Variants in EYS observed in about 807,000 individuals in gnomAD.
The protein encoded by EYS is EGF-like photoreceptor maintenance factor.
A neutral mutation model predicts 282.1 loss-of-function variants in EYS; 250 were observed. That is an observed-to-expected ratio of 0.89 (90% CI 0.80 to 0.98). The LOEUF is 0.98. Ranked by LOEUF, EYS falls within the 50% of genes least tolerant of loss-of-function variation. EYS has a pLI of 0.00. For missense variants in EYS, 4,016 were observed against 3,709.0 expected, an observed-to-expected ratio of 1.08 and a Z score of -2.15; for synonymous variants, 1,355 against 1,282.9, an observed-to-expected ratio of 1.06 and a Z score of -1.20.
intron 12 of EYS, among the ~76,000 whole-genome samples, chr6:65,163,153 A>T (rs1299224637): frequency 6.6e-6 from 1 of 151,166 alleles, no homozygotes; most frequent in East Asian, 2.0e-4. Context: ...TGAGTTCTCC[A>T]TTATTTTAGA....
chr6:65,533,208 T>C (rs988739710), intron 2 of EYS, among the ~76,000 whole-genome samples: 3 of 152,098 alleles, frequency 2.0e-5, no homozygotes, highest in Non-Finnish European at 1.5e-5. Context: ...TAAACACCTT[T>C]ATGGAAATAA....
intron 12 of EYS, among the ~76,000 whole-genome samples, chr6:65,150,867 T>C (rs567164697): frequency 1.3e-5 from 2 of 152,124 alleles, no homozygotes; most frequent in African/African-American, 4.8e-5. Flanking sequence ...ATTTGCTCCC[T>C]TGGGTATTTT....
intron 30 of EYS, among the ~76,000 whole-genome samples, chr6:64,253,796 A>G (rs1767301177): frequency 6.6e-6 from 1 of 151,084 alleles, no homozygotes; most frequent in Non-Finnish European, 1.5e-5. Flanking sequence ...TTATGAATCA[A>G]GGGCTAGAAC....
intron 28 of EYS, among the ~76,000 whole-genome samples, chr6:64,427,992 T>C (rs1237843842): frequency 6.6e-6 from 1 of 152,104 alleles, no homozygotes; most frequent in Non-Finnish European, 1.5e-5. Context: ...ATTGATTCAG[T>C]AAACTAATTA....
At chr6:65,312,669 T>A (rs1769191702) in intron 11 of EYS, among the ~76,000 whole-genome samples, 1 of 152,208 alleles carries the variant, frequency 6.6e-6, no homozygotes, top group Non-Finnish European at 1.5e-5. Flanking sequence ...AAGTTGCACT[T>A]ACTTATCTCA....
chr6:64,077,228 A>T (rs918690492), intron 32 of EYS, among the ~76,000 whole-genome samples: 3 of 152,008 alleles, frequency 2.0e-5, no homozygotes, highest in Admixed American at 6.6e-5. Flanking sequence ...TGATTAAAAC[A>T]ACTGAGCAAT....
intron 22 of EYS, among the ~76,000 whole-genome samples, chr6:64,796,349 G>T (rs1774353739): frequency 6.6e-6 from 1 of 152,098 alleles, no homozygotes; most frequent in African/African-American, 2.4e-5. Flanking sequence ...GAGAGAAACA[G>T]CTGACCAGTT....
chr6:64,235,468 T>A (rs544780415), intron 30 of EYS, among the ~76,000 whole-genome samples: 186 of 152,320 alleles, frequency 1.2e-3, no homozygotes, highest in African/African-American at 4.3e-3. Context: ...ATGTGCCACA[T>A]TTTCTTAATC....
At position 65,402,525 on chromosome 6, in the gene EYS, C is replaced by T; in HGVS notation, c.1137G>A (p.Leu379=). 6.5e-7 allele frequency: 1 copy of T among 1,549,638 alleles called. No individual in the cohort carries two copies. The highest frequency in any genetic ancestry group is 8.9e-7 in the Non-Finnish European group (1 of 1,122,398). ...ATTTCTTACATGTAGCATTATTCCT[C>T]AAAGGAAATGACTCACATGATGTTT... The part of the protein sequence containing the change: ...SIQTSCESFP[L]RNNATCKKCE... Residue 379 remains leucine, a synonymous_variant, in exon 7 of 43, where the codon TTG becomes TTA. Transcript: ENST00000503581.
intron 37 of EYS, among the ~76,000 whole-genome samples, chr6:63,791,685 T>C (rs943516253): frequency 6.6e-6 from 1 of 152,092 alleles, no homozygotes; most frequent in Non-Finnish European, 1.5e-5. Context: ...GCTATATCTT[T>C]AAGGGTCTAA....
chr6:64,270,878 T>C (rs186099740), intron 30 of EYS, among the ~76,000 whole-genome samples: 209 of 152,304 alleles, frequency 1.4e-3, no homozygotes, highest in Middle Eastern at 0.014. Flanking sequence ...GCATAGTTGT[T>C]AATTTTATTT....
At chr6:65,234,383 G>A (rs1766867648) in intron 12 of EYS, among the ~76,000 whole-genome samples, 1 of 152,124 alleles carries the variant, frequency 6.6e-6, no homozygotes, top group African/African-American at 2.4e-5. Flanking sequence ...CTGGGCCACA[G>A]GCAATCAAAG....
intron 12 of EYS, among the ~76,000 whole-genome samples, chr6:65,189,017 A>G (rs536859257): frequency 1.3e-5 from 2 of 151,694 alleles, no homozygotes; most frequent in African/African-American, 4.8e-5. Flanking sequence ...TATAAAATTA[A>G]TATAGCTTCT....
chr6:64,916,287 T>C (rs529674000), intron 15 of EYS, among the ~76,000 whole-genome samples: 4 of 152,356 alleles, frequency 2.6e-5, no homozygotes, highest in Middle Eastern at 3.4e-3. Context: ...ATTTGGCATA[T>C]GTGCTGAAGG....
intron 5 of EYS, among the ~76,000 whole-genome samples, chr6:65,488,984 G>T (rs1765919072): frequency 6.6e-6 from 1 of 152,090 alleles, no homozygotes; most frequent in Non-Finnish European, 1.5e-5. Context: ...ACTCAAGATG[G>T]ATCAAAGACT....
chr6:65,136,490 G>C (rs1046256888), intron 12 of EYS, among the ~76,000 whole-genome samples: 3 of 151,996 alleles, frequency 2.0e-5, no homozygotes, highest in African/African-American at 7.2e-5. Flanking sequence ...CTTCAGATAT[G>C]TGATATTTCA....
At chr6:64,073,781 T>A (rs1478666639) in intron 32 of EYS, among the ~76,000 whole-genome samples, 1 of 151,662 alleles carries the variant, frequency 6.6e-6, no homozygotes, top group African/African-American at 2.4e-5. Flanking sequence ...TGTGTGCATA[T>A]ATATATATAT....
At chr6:65,258,287 A>C (rs1767525330) in intron 12 of EYS, among the ~76,000 whole-genome samples, 1 of 152,058 alleles carries the variant, frequency 6.6e-6, no homozygotes, top group Non-Finnish European at 1.5e-5. Context: ...AAGCAAGGGA[A>C]GAAGAGTTGA....
At chr6:65,260,437 T>C (rs1162340825) in intron 12 of EYS, among the ~76,000 whole-genome samples, 6 of 152,104 alleles carry the variant, frequency 3.9e-5, no homozygotes, top group Non-Finnish European at 2.9e-5. Context: ...ATCTTTTTCT[T>C]ATTATTATTT....
Sources: allele counts gnomAD v4.1 joint callset (sites outside exome capture counted in the v4.1 genomes callset), GRCh38; gene constraint gnomAD v4.1.1; transcripts MANE v1.5; gene names NCBI Gene and HGNC (gene_info 2026-07-23, HGNC 2026-07-21).